Variants in URGCP observed in about 807,000 individuals in gnomAD.
URGCP encodes upregulator of cell proliferation.
URGCP carries 13 observed loss-of-function variants against 24.6 expected under a neutral mutation model. The observed-to-expected ratio is 0.53, with a 90% CI of 0.34 to 0.84. The LOEUF (loss-of-function observed/expected upper bound fraction) is 0.84, where lower values mean the gene tolerates loss of function less well. Among genes scored for constraint, URGCP ranks in the 40% least tolerant of loss-of-function variants. The probability of loss-of-function intolerance (pLI) is 0.01; values close to 1 mark genes in which losing one functional copy is unlikely to be tolerated. For synonymous variants in URGCP, 444 were observed against 487.2 expected (o/e 0.91, Z 1.17); for missense variants, 899 against 1,194.3 (o/e 0.75, Z 3.64).
At chr7:43,910,622 AG>A (rs2132722233), upstream of URGCP, 1 of 152,164 alleles carries the variant, frequency 6.6e-6, no homozygotes, top group South Asian at 2.1e-4. Flanking sequence ...TTAGAGGCTG[AG>A]GTGGGAGGAT....
intron 1 of URGCP, chr7:43,918,993 GCTGGCAACAA>G: frequency 7.9e-7 from 1 of 1,259,856 alleles, no homozygotes; most frequent in Non-Finnish European, 1.2e-6. Flanking sequence ...TGGGGGAAGA[GCTGGCAACAA>G]CTGGGCCAGC....
intron 3 of URGCP, among the ~76,000 whole-genome samples, chr7:43,884,577 A>C (rs917374576): frequency 7.2e-5 from 11 of 152,328 alleles, no homozygotes; most frequent in Admixed American, 7.2e-4. Flanking sequence ...ATCTGTAACC[A>C]CAGCAATTTG....
At position 43,877,750 on chromosome 7, in the gene URGCP, C is replaced by T. The variant is rs554085907; in HGVS notation, c.1713G>A (p.Glu571=). ...GCTGGGCCACCCGTGCCAGGCCCCA[C>T]TCCATCCACCTCAGGAAGTACTGCT... is the stretch of plus-strand genomic sequence containing the variant. The part of the protein sequence containing the change: ...SEKQYFLRWM[E]WGLARVAQPR... The change falls in exon 6 of 6, where the codon GAG becomes GAA. Residue 571 remains glutamate, a synonymous_variant. Coordinates refer to ENST00000453200, the MANE Select transcript of URGCP (RefSeq NM_001077663.3). 6.2e-5 allele frequency: 100 copies of T among 1,605,556 alleles called. 1 individual carries two copies. In the South Asian group the frequency reaches 1.0e-3, roughly 16 times the overall value.
At chr7:43,914,223 G>C (rs1184726279) in intron 1 of URGCP, among the ~76,000 whole-genome samples, 1 of 152,110 alleles carries the variant, frequency 6.6e-6, no homozygotes, top group Non-Finnish European at 1.5e-5. Flanking sequence ...AATTATGGCT[G>C]GGTGTGGTGG....
At position 43,877,710 on chromosome 7, in the gene URGCP, G is replaced by A. The variant is rs374359699; in HGVS notation, c.1753C>T (p.Pro585Ser). 2.9e-5 allele frequency: 46 copies of A among 1,613,008 alleles called. No individual in the cohort carries two copies. The highest frequency in any genetic ancestry group is 3.8e-5 in the Non-Finnish European group (45 of 1,179,764). The part of the protein sequence containing the change: ...ARVAQPRLRQ[P>S]PETLLTLRPK... ...CTCAGGGTGAGAAGCGTCTCCGGAG[G>A]CTGTCTCAGTCGCGGCTGGGCCACC... Residue 585 changes from proline to serine, a missense_variant, in exon 6 of 6, where the codon CCT (proline) becomes TCT (serine). By Grantham distance (74) the Pro-to-Ser change is moderately conservative. Transcript: ENST00000453200.
chr7:43,902,565 G>A (rs553695978), intron 1 of URGCP, among the ~76,000 whole-genome samples: 8 of 152,266 alleles, frequency 5.3e-5, no homozygotes, highest in African/African-American at 1.9e-4. Context: ...TTACCCACTG[G>A]ATCAAAGAAA....
upstream of URGCP, chr7:43,906,664 C>G (rs759232003): frequency 8.9e-7 from 1 of 1,125,888 alleles, no homozygotes; most frequent in African/African-American, 1.6e-5. Context: ...CCGCCGGCCG[C>G]CCGCCCGCTC....
At chr7:43,918,820 C>T (rs2095918696) in intron 1 of URGCP, 1 of 1,243,004 alleles carries the variant, frequency 8.0e-7, no homozygotes, top group Admixed American at 1.7e-5. Context: ...GAGTTCGCTA[C>T]TGAGGGCACT....
chr7:43,903,276 C>G (rs1402591649), intron 1 of URGCP, among the ~76,000 whole-genome samples: 1 of 152,124 alleles, frequency 6.6e-6, no homozygotes, highest in African/African-American at 2.4e-5. Flanking sequence ...AGCTGCAGAA[C>G]AGTATGATAG....
At chr7:43,926,128 T>C (rs901486298) in intron 1 of URGCP, 2 of 154,386 alleles carry the variant, frequency 1.3e-5, no homozygotes, top group African/African-American at 4.8e-5. Flanking sequence ...GTATATATAC[T>C]TACAGAGTTA....
At chr7:43,911,777 A>G (rs1016088102) in intron 1 of URGCP, among the ~76,000 whole-genome samples, 2 of 152,228 alleles carry the variant, frequency 1.3e-5, no homozygotes, top group Non-Finnish European at 2.9e-5. Context: ...TCAAATGCAC[A>G]TGGAACACTC....
At chr7:43,897,224 A>G (rs1395464704) in intron 1 of URGCP, among the ~76,000 whole-genome samples, 1 of 152,208 alleles carries the variant, frequency 6.6e-6, no homozygotes, top group African/African-American at 2.4e-5. Context: ...ATAAATAAAT[A>G]AATAAAAATT....
At chr7:43,908,119 T>C (rs1262556647), upstream of URGCP, among the ~76,000 whole-genome samples, 1 of 152,210 alleles carries the variant, frequency 6.6e-6, no homozygotes, top group Non-Finnish European at 1.5e-5. Context: ...TCTTGCCCTG[T>C]CACCCAGGCC....
chr7:43,888,054 A>AGTAT, intron 1 of URGCP: 1 of 500,946 alleles, frequency 2.0e-6, no homozygotes, highest in Non-Finnish European at 3.5e-6. Flanking sequence ...AAGTATGCAC[A>AGTAT]GTATGATTAC....
In URGCP at chr7:43,881,633, A is replaced by G. The variant is rs967542570; in HGVS notation, c.202+26T>C. On this transcript the variant is annotated intron_variant, in intron 5 of 5. Coordinates refer to ENST00000453200, the MANE Select transcript of URGCP (RefSeq NM_001077663.3). Reference sequence around the variant, plus strand: ...ATGATAACCCCCTTTCATAGAACAGAGAGAAAAGGCAGAGAAAATGCTTAC... The same window carrying G: ...ATGATAACCCCCTTTCATAGAACAGGGAGAAAAGGCAGAGAAAATGCTTAC... 8 of 1,613,976 alleles carry G rather than the reference A, an allele frequency of 5.0e-6. No individual in the cohort carries two copies. The African/African-American group carries it at 9.3e-5, about 19-fold the overall frequency.
intron 1 of URGCP, among the ~76,000 whole-genome samples, chr7:43,921,718 A>G (rs1037899347): frequency 6.6e-6 from 1 of 152,206 alleles, no homozygotes; most frequent in Non-Finnish European, 1.5e-5. Context: ...ATGGACATGG[A>G]AATTTTTGTC....
At chr7:43,892,942 C>T (rs995382550) in intron 1 of URGCP, among the ~76,000 whole-genome samples, 1 of 152,072 alleles carries the variant, frequency 6.6e-6, no homozygotes, top group Non-Finnish European at 1.5e-5. Context: ...TGAAAGCAAA[C>T]AAATGGTATC....
chr7:43,905,252 TCAAC>T (rs1317686474), intron 1 of URGCP, among the ~76,000 whole-genome samples: 10 of 123,876 alleles, frequency 8.1e-5, no homozygotes, highest in African/African-American at 3.2e-4. Flanking sequence ...TCAGCCACCC[TCAAC>T]ATTGCCTCCA....
At chr7:43,911,284 C>G (rs2095909826), upstream of URGCP, among the ~76,000 whole-genome samples, 2 of 151,786 alleles carry the variant, frequency 1.3e-5, no homozygotes, top group African/African-American at 4.8e-5. Flanking sequence ...ACCTATAATC[C>G]CAGCTACTCG....
Sources: allele counts gnomAD v4.1 joint callset (sites outside exome capture counted in the v4.1 genomes callset), GRCh38; gene constraint gnomAD v4.1.1; transcripts MANE v1.5; gene names NCBI Gene and HGNC (gene_info 2026-07-23, HGNC 2026-07-21).